The following ITGA8 variants were observed in gnomAD, a reference collection of about 807,000 sequenced individuals.
ITGA8 encodes integrin subunit alpha 8, also known as integrin alpha-8.
Under a neutral mutation model 142.3 loss-of-function variants are expected in ITGA8, and 91 were observed. The ratio of observed to expected loss-of-function variants is 0.64; its 90% CI spans 0.54 to 0.76. The LOEUF (loss-of-function observed/expected upper bound fraction) is 0.76. Among genes scored for constraint, ITGA8 ranks in the 30% least tolerant of loss-of-function variants. The probability of loss-of-function intolerance (pLI) is 0.00; values close to 1 mark genes in which losing one functional copy is unlikely to be tolerated. For missense variants in ITGA8, 1,406 were observed against 1,327.7 expected, an observed-to-expected ratio of 1.06 and a Z score of -0.92; for synonymous variants, 505 against 485.2, an observed-to-expected ratio of 1.04 and a Z score of -0.54.
intron 11 of ITGA8, among the ~76,000 whole-genome samples, chr10:15,649,762 C>A (rs1834053430): frequency 6.6e-6 from 1 of 152,160 alleles, no homozygotes; most frequent in African/African-American, 2.4e-5. Flanking sequence ...CACTACACAT[C>A]TCTTAGAATG....
intron 6 of ITGA8, among the ~76,000 whole-genome samples, chr10:15,677,316 G>A (rs1272536903): frequency 1.3e-5 from 2 of 152,178 alleles, no homozygotes; most frequent in Non-Finnish European, 2.9e-5. Context: ...AATGATCAAT[G>A]TTTGAGGTGA....
rs537593246 is a variant in ITGA8 at position 15,522,353 on chromosome 10, T to G, written c.2983-2941A>C. Reference sequence around the variant, plus strand: ...CTGATGACATGTATGAAATTACTGCTGAATCCTAACATTTGACTGCACTCA... The same window carrying G: ...CTGATGACATGTATGAAATTACTGCGGAATCCTAACATTTGACTGCACTCA... On this transcript the variant is annotated intron_variant, in intron 28 of 29. Coordinates refer to ENST00000378076, the MANE Select transcript of ITGA8 (RefSeq NM_003638.3). Among the ~76,000 whole-genome samples, 113 of 152,362 alleles carry G rather than the reference T, an allele frequency of 7.4e-4. 1 individual carries two copies. Among genetic ancestry groups the G allele is most frequent in the Non-Finnish European group, 1.3e-3 (89 of 68,028 alleles).
At position 15,586,587 on chromosome 10, in the gene ITGA8, C is replaced by T. The variant is rs112580387; in HGVS notation, c.2369G>A (p.Arg790Lys). Residue 790 changes from arginine to lysine, a missense_variant, in exon 23 of 30, where the codon AGA becomes AAA. Coordinates refer to ENST00000378076, the MANE Select transcript of ITGA8 (RefSeq NM_003638.3). ...CTATGCATTGCTTACTACTTACCCT[C>T]TTATTTCCACCTGCGCTACAGCAGT... ...NITAVAQVEIRGVSHPPQIVL... is the reference protein window; with the variant it reads ...NITAVAQVEIKGVSHPPQIVL... The T allele has an allele frequency of 6.2e-7, 1 of 1,600,870 alleles. No homozygotes were observed. The highest frequency in any genetic ancestry group is 1.3e-5 in the African/African-American group (1 of 74,772).
At chr10:15,620,433 G>T (rs1373925203) in intron 13 of ITGA8, among the ~76,000 whole-genome samples, 1 of 152,176 alleles carries the variant, frequency 6.6e-6, no homozygotes, top group Admixed American at 6.6e-5. Context: ...AATGAGACAT[G>T]GGCTTTTCCT....
At chr10:15,718,160 A>C (rs1835488093) in intron 2 of ITGA8, among the ~76,000 whole-genome samples, 1 of 152,238 alleles carries the variant, frequency 6.6e-6, no homozygotes, top group African/African-American at 2.4e-5. Flanking sequence ...GAATTGTTTA[A>C]AATGTATTTT....
intron 7 of ITGA8, 66 bp downstream of exon 7, chr10:15,672,558 C>A: frequency 6.5e-7 from 1 of 1,526,804 alleles, no homozygotes; most frequent in Non-Finnish European, 8.8e-7. Flanking sequence ...AGGGATAAAA[C>A]TTGCATCTAC....
At chr10:15,707,330 A>T (rs1157917939) in intron 2 of ITGA8, among the ~76,000 whole-genome samples, 1 of 152,198 alleles carries the variant, frequency 6.6e-6, no homozygotes, top group Non-Finnish European at 1.5e-5. Context: ...AGACCCAGAG[A>T]TAGGGCAGTG....
intron 20 of ITGA8, among the ~76,000 whole-genome samples, chr10:15,601,455 G>A (rs1372366255): frequency 6.6e-6 from 1 of 152,106 alleles, no homozygotes; most frequent in African/African-American, 2.4e-5. Flanking sequence ...GGGTTGCAGA[G>A]GTTCAGTTTG....
chr10:15,544,507 T>C (rs993921333), intron 27 of ITGA8, among the ~76,000 whole-genome samples: 1 of 152,220 alleles, frequency 6.6e-6, no homozygotes, highest in African/African-American at 2.4e-5. Flanking sequence ...GGTCCTTTGT[T>C]GCATCAGCCC....
intron 13 of ITGA8, among the ~76,000 whole-genome samples, chr10:15,639,925 T>C (rs2131641965): frequency 6.6e-6 from 1 of 150,496 alleles, no homozygotes; most frequent in Middle Eastern, 3.4e-3. Flanking sequence ...GTTGAATAGA[T>C]TGTGAAGCTC....
intron 2 of ITGA8, among the ~76,000 whole-genome samples, chr10:15,692,945 G>A (rs1834962351): frequency 6.6e-6 from 1 of 152,170 alleles, no homozygotes; most frequent in African/African-American, 2.4e-5. Flanking sequence ...ATGCACATCT[G>A]TAGTCTCATC....
intron 25 of ITGA8, among the ~76,000 whole-genome samples, chr10:15,564,947 C>T (rs972846113): frequency 2.0e-5 from 3 of 151,772 alleles, no homozygotes; most frequent in Non-Finnish European, 2.9e-5. Context: ...GGAAAGAAAA[C>T]CCCCACTTTT....
intron 3 of ITGA8, 107 bp downstream of exon 3, chr10:15,687,831 G>T: frequency 2.9e-6 from 2 of 697,854 alleles, no homozygotes; most frequent in Non-Finnish European, 5.2e-6. Context: ...ATCGTTGAAA[G>T]TCTAACATGT....
At chr10:15,658,237 G>A (rs10795315) in intron 10 of ITGA8, among the ~76,000 whole-genome samples, 137,644 of 152,198 alleles carry the variant, frequency 0.9, 63,626 homozygotes, top group Non-Finnish European at 1. Context: ...TGAGCGGTGC[G>A]GTGGGAACTG....
At chr10:15,718,034 A>G (rs1326135142) in intron 2 of ITGA8, among the ~76,000 whole-genome samples, 1 of 152,268 alleles carries the variant, frequency 6.6e-6, no homozygotes, top group Non-Finnish European at 1.5e-5. Flanking sequence ...TTTTGAATTC[A>G]TAAAGTTTTG....
Position 15,517,025 on chromosome 10 carries a change from T to G in ITGA8, c.*133A>C. ...CCAAAGTGCGGTGTAGATGAGGTGA[T>G]GTTTCCAGGGTCCCCTCCATTTCCT... On this transcript the variant is annotated 3_prime_UTR_variant, in exon 30 of 30. Transcript: ENST00000378076. 1 of 468,370 alleles carries G rather than the reference T, an allele frequency of 2.1e-6. No individual in the cohort carries two copies. Among genetic ancestry groups the G allele is most frequent in the Non-Finnish European group, 3.6e-6 (1 of 278,034 alleles). 29.0% of individuals were successfully genotyped at this position (468,370 alleles called of 1,614,324 possible). A position where few individuals can be genotyped will look rare whatever the true frequency, so the allele number is the denominator to read the frequency against.
chr10:15,576,239 A>T (rs777653426), intron 23 of ITGA8, among the ~76,000 whole-genome samples: 2 of 152,170 alleles, frequency 1.3e-5, no homozygotes, highest in Non-Finnish European at 2.9e-5. Flanking sequence ...TCTTATAGAT[A>T]TCTCAAGTGT....
Position 15,519,360 on chromosome 10 carries a change from A to G in ITGA8, c.3035T>C (p.Leu1012Ser), listed in dbSNP as rs1329467405. 2 of 1,613,550 alleles carry G rather than the reference A, an allele frequency of 1.2e-6. No homozygotes were observed. Among genetic ancestry groups the G allele is most frequent in the Admixed American group, 3.3e-5 (2 of 60,004 alleles). ...ATPNVSFSIP[L>S]WVIILAILLG... ...AAGTATTGCTAGTATTATTACCCAT[A>G]ATGGGATTGAGAAGGAAACATTCGG... Residue 1012 changes from leucine (L) to serine (S), a missense_variant, in exon 29 of 30, where the codon TTA (leucine) becomes TCA (serine). By Grantham distance (145) the Leu-to-Ser change is moderately radical. Coordinates refer to ENST00000378076, the MANE Select transcript of ITGA8 (RefSeq NM_003638.3).
chr10:15,559,147 C>T (rs1833933313), intron 25 of ITGA8, among the ~76,000 whole-genome samples: 1 of 152,168 alleles, frequency 6.6e-6, no homozygotes, highest in African/African-American at 2.4e-5. Context: ...CTGGAAAAAC[C>T]TACTAGACAA....
Sources: gnomAD v4.1 joint callset for allele counts (sites outside exome capture counted in the v4.1 genomes callset) on GRCh38, gnomAD v4.1.1 for gene constraint, MANE v1.5 for transcripts, NCBI Gene and HGNC (gene_info 2026-07-23, HGNC 2026-07-21) for gene names.